Variants in GOLIM4 observed in about 807,000 individuals in gnomAD.
The protein encoded by GOLIM4 is golgi integral membrane protein 4.
In GOLIM4, 71 loss-of-function variants were observed where a neutral mutation model predicts 107.4. The observed-to-expected ratio is 0.66, with a 90% confidence interval of 0.55 to 0.81. The LOEUF (loss-of-function observed/expected upper bound fraction) is 0.81. Among genes scored for constraint, GOLIM4 ranks in the 30% least tolerant of loss-of-function variants. The pLI is 0.00. For missense variants in GOLIM4, 830 were observed against 826.1 expected (o/e 1.00, Z -0.06); for synonymous variants, 327 against 294.8 (o/e 1.11, Z -1.12).
rs779739530 is a variant in GOLIM4 at position 168,010,278 on chromosome 3, A to C, written c.2082T>G (p.Ala694=). Residue 694 remains alanine (A), a synonymous_variant, in exon 16 of 16, where the codon GCT becomes GCG. Coordinates refer to ENST00000470487, the MANE Select transcript of GOLIM4 (RefSeq NM_014498.5). Reference sequence around the variant, plus strand: ...TAGAAATTGGGTGCCGCTACATTTCAGCTCTTCGATGTGATTTCTCAGCAA... The same window carrying C: ...TAGAAATTGGGTGCCGCTACATTTCCGCTCTTCGATGTGATTTCTCAGCAA... ...AAVAEKSHRR[A]EM 1.2e-6 allele frequency: 2 copies of C among 1,611,914 alleles called. No homozygotes were observed. Among genetic ancestry groups the C allele is most frequent in the Non-Finnish European group, 1.7e-6 (2 of 1,179,272 alleles).
intron 1 of GOLIM4, among the ~76,000 whole-genome samples, chr3:168,073,020 T>A (rs1329216194): frequency 6.6e-6 from 1 of 152,220 alleles, no homozygotes; most frequent in East Asian, 1.9e-4. Flanking sequence ...CTTCCTAATT[T>A]TTTTGTTGTT....
At chr3:168,011,690 G>A (rs1042417775) in intron 14 of GOLIM4, among the ~76,000 whole-genome samples, 3 of 146,870 alleles carry the variant, frequency 2.0e-5, no homozygotes, top group African/African-American at 8.2e-5. Flanking sequence ...CACGCAGCTG[G>A]AGATCTGAGA....
chr3:168,089,009 T>C (rs1364468201), intron 1 of GOLIM4, among the ~76,000 whole-genome samples: 2 of 152,208 alleles, frequency 1.3e-5, no homozygotes, highest in African/African-American at 2.4e-5. Flanking sequence ...TGTTACATAT[T>C]AGAGGGATGA....
intron 14 of GOLIM4, among the ~76,000 whole-genome samples, chr3:168,022,717 C>G (rs1180661900): frequency 3.3e-5 from 5 of 152,194 alleles, no homozygotes; most frequent in African/African-American, 1.2e-4. Context: ...GCACGTGGGA[C>G]TTCCACTAAG....
intron 1 of GOLIM4, among the ~76,000 whole-genome samples, chr3:168,055,593 TC>T (rs1560093491): frequency 6.6e-6 from 1 of 151,642 alleles, no homozygotes; most frequent in Non-Finnish European, 1.5e-5. Context: ...GGTCAGGAGA[TC>T]AAGACCATCC....
chr3:168,066,285 C>T lies in GOLIM4; in HGVS notation c.188-17920G>A, dbSNP rs74673779. Among the ~76,000 whole-genome samples, 237 of 152,188 alleles carry T rather than the reference C, an allele frequency of 1.6e-3. 2 individuals are homozygous for T. The highest frequency in any genetic ancestry group is 5.5e-3 in the African/African-American group (229 of 41,544). On this transcript the variant is annotated intron_variant, in intron 1 of 15. Coordinates refer to ENST00000470487, the MANE Select transcript of GOLIM4 (RefSeq NM_014498.5). ...GAAGTTCAGGCACAGAATAACCTCA[C>T]TAGTTCCAGATTCCACCAATAATTC...
intron 1 of GOLIM4, among the ~76,000 whole-genome samples, chr3:168,067,317 A>G (rs1720601578): frequency 6.6e-6 from 1 of 152,096 alleles, no homozygotes; most frequent in South Asian, 2.1e-4. Flanking sequence ...ACTCAAAGCA[A>G]CAAACTTAGG....
At chr3:168,087,817 T>C (rs1372135814) in intron 1 of GOLIM4, among the ~76,000 whole-genome samples, 2 of 152,196 alleles carry the variant, frequency 1.3e-5, no homozygotes, top group African/African-American at 4.8e-5. Flanking sequence ...ATTAAAGTGC[T>C]AGTGTCACAG....
At chr3:168,015,123 T>C (rs1354573843) in intron 14 of GOLIM4, among the ~76,000 whole-genome samples, 3 of 150,420 alleles carry the variant, frequency 2.0e-5, no homozygotes, top group Non-Finnish European at 3.0e-5. Flanking sequence ...GACGACATGA[T>C]TGTATATCTA....
rs1159752910 is a variant in GOLIM4 at position 168,008,824 on chromosome 3, C to T, written c.*1445G>A. 4 of 151,758 alleles carry T rather than the reference C, an allele frequency of 2.6e-5. No individual in the cohort carries two copies. Among genetic ancestry groups the T allele is most frequent in the East Asian group, 1.9e-4 (1 of 5,184 alleles). 9.4% of individuals were successfully genotyped at this position (151,758 alleles called of 1,614,324 possible). On this transcript the variant is annotated 3_prime_UTR_variant, in exon 16 of 16. Transcript: ENST00000470487. ...TCTGAATATTATGTACAATATTATA[C>T]ATTTTACATTACATAATGGGTTTTT...
In GOLIM4 at chr3:168,010,329, T is replaced by G. The variant is rs757226319; in HGVS notation, c.2031A>C (p.Glu677Asp). ...KGREEHYEEE[E>D]EEEEDGAAVA... ...CTGCAGCCCCGTCTTCTTCCTCCTC[T>G]TCTTCCTCCTCGTAGTGTTCCTCTC... The change falls in exon 16 of 16, where the codon GAA becomes GAC. Residue 677 changes from glutamate to aspartate, a missense_variant. Coordinates refer to ENST00000470487, the MANE Select transcript of GOLIM4 (RefSeq NM_014498.5). 1.9e-6 allele frequency: 3 copies of G among 1,613,978 alleles called. No individual in the cohort carries two copies. Among genetic ancestry groups the G allele is most frequent in the Non-Finnish European group, 2.5e-6 (3 of 1,179,874 alleles).
In GOLIM4 at chr3:168,029,261, T is replaced by C. The variant is rs369580702; in HGVS notation, c.1475A>G (p.Gln492Arg). The change falls in exon 11 of 16, where the codon CAG becomes CGG. Residue 492 changes from glutamine to arginine, a missense_variant. Transcript: ENST00000470487. Reference protein sequence around the residue: ...HYDAMDNDIVQGAEDQGIQGE... With the variant: ...HYDAMDNDIVRGAEDQGIQGE... ...TTGGATTCCCTGGTCCTCTGCTCCC[T>C]GAACGATATCATTATCCATAGCATC... 77 of 1,611,248 alleles carry C rather than the reference T, an allele frequency of 4.8e-5. No homozygotes were observed. Among genetic ancestry groups the C allele is most frequent in the Non-Finnish European group, 5.9e-5 (69 of 1,178,092 alleles).
chr3:168,081,009 A>C (rs1721334698), intron 1 of GOLIM4, among the ~76,000 whole-genome samples: 1 of 152,170 alleles, frequency 6.6e-6, no homozygotes, highest in African/African-American at 2.4e-5. Context: ...AGTAGTGAGC[A>C]TCAAACCACC....
intron 1 of GOLIM4, among the ~76,000 whole-genome samples, chr3:168,048,979 G>A (rs1390672703): frequency 6.6e-6 from 1 of 152,080 alleles, no homozygotes; most frequent in Non-Finnish European, 1.5e-5. Flanking sequence ...ACTCTCCAAA[G>A]AATTTATAAA....
At chr3:168,075,282 A>G (rs1721011475) in intron 1 of GOLIM4, among the ~76,000 whole-genome samples, 1 of 141,882 alleles carries the variant, frequency 7.0e-6, no homozygotes, top group African/African-American at 2.7e-5. Flanking sequence ...GCGGACATTC[A>G]CTAGTTTTTT....
intron 1 of GOLIM4, among the ~76,000 whole-genome samples, chr3:168,060,248 G>T (rs1005769225): frequency 6.6e-6 from 1 of 152,126 alleles, no homozygotes; most frequent in African/African-American, 2.4e-5. Context: ...GAGCAGAAAT[G>T]ATGTTGACTT....
intron 1 of GOLIM4, among the ~76,000 whole-genome samples, chr3:168,057,549 A>G (rs1351968931): frequency 6.6e-6 from 1 of 152,026 alleles, no homozygotes; most frequent in East Asian, 1.9e-4. Context: ...TCTTGTAAGA[A>G]CTCCCTCACT....
chr3:168,022,211 G>C (rs1177590911), intron 14 of GOLIM4, among the ~76,000 whole-genome samples: 1 of 152,074 alleles, frequency 6.6e-6, no homozygotes, highest in Admixed American at 6.6e-5. Context: ...TTCTTCCCCA[G>C]GAGGAAATGC....
intron 1 of GOLIM4, among the ~76,000 whole-genome samples, chr3:168,054,344 C>T (rs1007524856): frequency 7.2e-5 from 11 of 152,214 alleles, no homozygotes; most frequent in African/African-American, 2.4e-4. Flanking sequence ...CCGACCCCAG[C>T]AGCCTCTCTG....
Sources: allele counts gnomAD v4.1 joint callset (sites outside exome capture counted in the v4.1 genomes callset), GRCh38; gene constraint gnomAD v4.1.1; transcripts MANE v1.5; gene names NCBI Gene and HGNC (gene_info 2026-07-23, HGNC 2026-07-21).